The following FGFR2 variants were observed in gnomAD, a reference collection of about 807,000 sequenced individuals.
FGFR2 encodes the protein fibroblast growth factor receptor 2.
FGFR2 carries 19 observed loss-of-function variants against 95.9 expected under a neutral mutation model. That is an observed-to-expected ratio of 0.20 (90% CI 0.14 to 0.29). FGFR2 has a LOEUF of 0.29. FGFR2 is among the 10% of genes least tolerant of loss of function. The probability of loss-of-function intolerance (pLI) is 1.00; values close to 1 mark genes in which losing one functional copy is unlikely to be tolerated. For synonymous variants in FGFR2, 392 were observed against 393.3 expected (o/e 1.00, Z 0.04); for missense variants, 707 against 1,056.9 (o/e 0.67, Z 4.59).
At chr10:121,566,883 G>C (rs1433695794) in intron 2 of FGFR2, among the ~76,000 whole-genome samples, 1 of 151,992 alleles carries the variant, frequency 6.6e-6, no homozygotes, top group Non-Finnish European at 1.5e-5. Flanking sequence ...GGACCCACAA[G>C]GATCCAACCC....
chr10:121,555,138 C>G (rs911157918), intron 4 of FGFR2, among the ~76,000 whole-genome samples: 2 of 152,116 alleles, frequency 1.3e-5, no homozygotes, highest in African/African-American at 4.8e-5. Context: ...TTTGGGAGGC[C>G]GAGGTGGGCG....
chr10:121,567,799 T>G (rs144263289), intron 2 of FGFR2, among the ~76,000 whole-genome samples: 114 of 152,360 alleles, frequency 7.5e-4, no homozygotes, highest in Non-Finnish European at 1.4e-3. Context: ...GCGCTGCTTT[T>G]GTGTGTTACA....
At chr10:121,576,774 A>G (rs1181405620) in intron 2 of FGFR2, among the ~76,000 whole-genome samples, 1 of 152,100 alleles carries the variant, frequency 6.6e-6, no homozygotes, top group Admixed American at 6.5e-5. Flanking sequence ...GTCCCTTAGC[A>G]GTAAGGCTAT....
intron 9 of FGFR2, among the ~76,000 whole-genome samples, chr10:121,512,923 G>T (rs3135765): frequency 6.6e-6 from 1 of 151,876 alleles, no homozygotes; most frequent in Non-Finnish European, 1.5e-5. Context: ...AGGCTGGAGC[G>T]CAATGGTGTG....
chr10:121,591,386 C>T (rs1451052504), intron 2 of FGFR2, among the ~76,000 whole-genome samples: 1 of 151,808 alleles, frequency 6.6e-6, no homozygotes, highest in South Asian at 2.1e-4. Flanking sequence ...AGCTCCCTGG[C>T]GACAACGGCG....
intron 8 of FGFR2, 106 bp from the exon 9 acceptor site, chr10:121,515,425 T>C (rs1849584975): frequency 1.7e-6 from 2 of 1,154,384 alleles, no homozygotes; most frequent in Non-Finnish European, 2.6e-6. Context: ...GCGACGACCA[T>C]TCTCAAGGCA....
chr10:121,489,861 C>A (rs375580834), intron 13 of FGFR2, among the ~76,000 whole-genome samples: 1 of 152,230 alleles, frequency 6.6e-6, no homozygotes, highest in Non-Finnish European at 1.5e-5. Flanking sequence ...CCACACTGCC[C>A]GTCTAGCGGG....
chr10:121,488,549 AAAAAAAAAAAGAAAG>A (rs1156353051), intron 13 of FGFR2, among the ~76,000 whole-genome samples: 1 of 151,790 alleles, frequency 6.6e-6, no homozygotes, highest in Non-Finnish European at 1.5e-5. Context: ...TCAAAAAAAA[AAAAAAAAAAAGAAAG>A]AAAAGAAAAG....
In FGFR2 at chr10:121,517,599, C is replaced by T; in HGVS notation, c.940-136G>A. On this transcript the variant is annotated intron_variant, in intron 7 of 17. Coordinates refer to ENST00000358487, the MANE Select transcript of FGFR2 (RefSeq NM_000141.5). This position sits in a 1 kb window ranked among gnomAD's most constrained non-coding sequence, Gnocchi z 4.7. ...TGGGAGATTCCGACTGCAGCCCATC[C>T]ACAAAGCCCACAACCGAGAGACACG... 2.1e-6 allele frequency: 2 copies of T among 936,064 alleles called. No individual in the cohort carries two copies. The highest frequency in any genetic ancestry group is 2.8e-5 in the South Asian group (2 of 71,986). The allele number at this position is 936,064 out of a possible 1,614,324, so 58.0% of individuals were successfully genotyped here. A position where few individuals can be genotyped will look rare whatever the true frequency, so the allele number is the denominator to read the frequency against.
chr10:121,590,952 CAG>C (rs1380121287), intron 2 of FGFR2, among the ~76,000 whole-genome samples: 1 of 152,182 alleles, frequency 6.6e-6, no homozygotes, highest in South Asian at 2.1e-4. Context: ...AACTGATGGA[CAG>C]GGGCACAGGC....
At chr10:121,510,271 C>T (rs1007220793) in intron 9 of FGFR2, among the ~76,000 whole-genome samples, 1 of 152,184 alleles carries the variant, frequency 6.6e-6, no homozygotes, top group African/African-American at 2.4e-5. Context: ...GACGCACCAG[C>T]CCCAGATGCG....
chr10:121,509,384 A>AT (rs1848722954), intron 9 of FGFR2, among the ~76,000 whole-genome samples: 1 of 145,754 alleles, frequency 6.9e-6, no homozygotes, highest in African/African-American at 2.6e-5. Flanking sequence ...CTTTTCGTAC[A>AT]TTTCCATAGT....
intron 2 of FGFR2, among the ~76,000 whole-genome samples, chr10:121,575,349 T>C (rs2912782): frequency 0.98 from 149,301 of 152,268 alleles, 73,246 homozygotes; most frequent in East Asian, 1. Context: ...GTATCCCTCT[T>C]GCTTTTGATC....
intron 6 of FGFR2, among the ~76,000 whole-genome samples, chr10:121,536,336 A>G (rs889912203): frequency 6.6e-6 from 1 of 152,206 alleles, no homozygotes; most frequent in African/African-American, 2.4e-5. Context: ...GCTTCTATTT[A>G]TAAAGAAGGT....
intron 5 of FGFR2, among the ~76,000 whole-genome samples, chr10:121,547,736 T>C (rs1431433622): frequency 6.6e-6 from 1 of 152,078 alleles, no homozygotes; most frequent in East Asian, 1.9e-4. Flanking sequence ...GAAGAAAATA[T>C]CAGAGAGAAA....
chr10:121,517,240 G>T lies in FGFR2; in HGVS notation c.1084+79C>A, dbSNP rs768202659. 1.4e-6 allele frequency: 2 copies of T among 1,474,586 alleles called. No homozygotes were observed. The highest frequency in any genetic ancestry group is 1.7e-5 in the Admixed American group (1 of 59,778). 91.3% of individuals were successfully genotyped at this position (1,474,586 alleles called of 1,614,324 possible). A position where few individuals can be genotyped will look rare whatever the true frequency, so the allele number is the denominator to read the frequency against. On this transcript the variant is annotated intron_variant, in intron 8 of 17. Coordinates refer to ENST00000358487, the MANE Select transcript of FGFR2 (RefSeq NM_000141.5). This position sits in a 1 kb window ranked among gnomAD's most constrained non-coding sequence, Gnocchi z 4.7. ...TGCAAGGATAAAAGGGGCCATTTCT[G>T]ATAACAGAAGCTGTGTTAATTTTAT...
At chr10:121,507,305 G>A (rs1430164584) in intron 9 of FGFR2, among the ~76,000 whole-genome samples, 2 of 152,160 alleles carry the variant, frequency 1.3e-5, no homozygotes, top group African/African-American at 4.8e-5. Context: ...AACAAGACAG[G>A]GGCCAGGCAG....
At chr10:121,482,277 C>G (rs1844859482) in intron 17 of FGFR2, 2 of 1,079,804 alleles carry the variant, frequency 1.9e-6, no homozygotes, top group Admixed American at 1.9e-5. Flanking sequence ...AAGTTGGTTT[C>G]TTCCCCCCCT....
rs2133945962 is a variant in FGFR2, at chr10:121,496,731, G to C, written c.1673-9C>G. On this transcript the variant is annotated splice_polypyrimidine_tract_variant and intron_variant, in intron 12 of 17. Coordinates refer to ENST00000358487, the MANE Select transcript of FGFR2 (RefSeq NM_000141.5). ...TATGACATAGAGAGGCCCTGTTGAG[G>C]AAGAAGAGAAGCTCCCTAAAGAGAG... 2 of 1,611,238 alleles carry C rather than the reference G, an allele frequency of 1.2e-6. No homozygotes were observed. Among genetic ancestry groups the C allele is most frequent in the Non-Finnish European group, 1.7e-6 (2 of 1,179,604 alleles).
Sources: gnomAD v4.1 joint callset for allele counts (sites outside exome capture counted in the v4.1 genomes callset) on GRCh38, gnomAD v4.1.1 for gene constraint, Gnocchi (gnomAD v3.1) non-coding constraint, MANE v1.5 for transcripts, NCBI Gene and HGNC (gene_info 2026-07-23, HGNC 2026-07-21) for gene names.